AUTS2: variants seen among roughly 807,000 people sequenced by gnomAD.
AUTS2 encodes autism susceptibility gene 2 protein.
In AUTS2, 17 loss-of-function variants were observed where a neutral mutation model predicts 112.4. The observed-to-expected ratio is 0.15, with a 90% confidence interval of 0.10 to 0.23. AUTS2 has a LOEUF of 0.23. Among genes scored for constraint, AUTS2 ranks in the 10% least tolerant of loss-of-function variants. The pLI is 1.00. For missense variants in AUTS2, 1,510 were observed against 1,701.6 expected (o/e 0.89, Z 1.98); for synonymous variants, 751 against 702.7 (o/e 1.07, Z -1.09).
intron 5 of AUTS2, among the ~76,000 whole-genome samples, chr7:70,645,602 C>G (rs893637788): frequency 6.6e-6 from 1 of 152,168 alleles, no homozygotes; most frequent in Non-Finnish European, 1.5e-5. Context: ...GGCCTGCTCA[C>G]GAAGGCAAGA....
At chr7:70,343,527 C>T (rs1347860352) in intron 4 of AUTS2, among the ~76,000 whole-genome samples, 1 of 152,160 alleles carries the variant, frequency 6.6e-6, no homozygotes, top group Non-Finnish European at 1.5e-5. Context: ...GCCACTGGAA[C>T]ATAAACAGTT....
At chr7:70,188,025 C>A (rs925829565) in intron 4 of AUTS2, among the ~76,000 whole-genome samples, 1 of 152,106 alleles carries the variant, frequency 6.6e-6, no homozygotes, top group Admixed American at 6.5e-5. Flanking sequence ...ATAAACAAAT[C>A]ATATTAAAAC....
intron 5 of AUTS2, among the ~76,000 whole-genome samples, chr7:70,526,685 T>C (rs1021400936): frequency 1.3e-5 from 2 of 152,096 alleles, no homozygotes; most frequent in Admixed American, 6.6e-5. Flanking sequence ...TAAAAAATCC[T>C]GCTTCTGTTC....
intron 5 of AUTS2, among the ~76,000 whole-genome samples, chr7:70,655,887 A>G (rs1391308379): frequency 6.6e-6 from 1 of 152,130 alleles, no homozygotes; most frequent in Non-Finnish European, 1.5e-5. Context: ...CCAAGAATCT[A>G]TGGCCAGTCC....
Position 70,766,511 on chromosome 7 carries a change from G to A in AUTS2, c.1689+177G>A, listed in dbSNP as rs1485622741. Among the ~76,000 whole-genome samples, 3 of 152,236 alleles carry A rather than the reference G, an allele frequency of 2.0e-5. No individual in the cohort carries two copies. The highest frequency in any genetic ancestry group is 1.3e-4 in the Admixed American group (2 of 15,284). The stretch of plus-strand genomic sequence containing the variant: ...TGCCTCAGGCAGCTCTGACTTCAGG[G>A]GCCTAAAGTAGGAACTTCTTTCTAG... On this transcript the variant is annotated intron_variant, in intron 9 of 18. Coordinates refer to ENST00000342771, the MANE Select transcript of AUTS2 (RefSeq NM_015570.4). The surrounding 1 kb of genome is among the most constrained non-coding windows in gnomAD (Gnocchi z 4.8).
At chr7:70,478,266 C>T (rs1014518624) in intron 5 of AUTS2, among the ~76,000 whole-genome samples, 1 of 152,006 alleles carries the variant, frequency 6.6e-6, no homozygotes, top group Non-Finnish European at 1.5e-5. Context: ...CTCATAATTC[C>T]ACCACCCAGA....
intron 5 of AUTS2, among the ~76,000 whole-genome samples, chr7:70,544,519 C>A (rs1331661666): frequency 6.6e-6 from 1 of 152,174 alleles, no homozygotes; most frequent in Non-Finnish European, 1.5e-5. Context: ...CCTCAAATCT[C>A]ACTTTGCCCC....
intron 2 of AUTS2, among the ~76,000 whole-genome samples, chr7:70,029,327 T>G (rs977706485): frequency 6.6e-6 from 1 of 151,770 alleles, no homozygotes; most frequent in Non-Finnish European, 1.5e-5. Context: ...GATGTGGTAA[T>G]TTTTTCTGTT....
intron 1 of AUTS2, among the ~76,000 whole-genome samples, chr7:69,755,564 G>A (rs1035018622): frequency 6.6e-6 from 1 of 152,090 alleles, no homozygotes; most frequent in Non-Finnish European, 1.5e-5. Context: ...CATCGCTGTT[G>A]TTTTTCCTGG....
chr7:70,684,153 G>C (rs1266870168), intron 5 of AUTS2, among the ~76,000 whole-genome samples: 1 of 151,836 alleles, frequency 6.6e-6, no homozygotes, highest in Non-Finnish European at 1.5e-5. Flanking sequence ...AAAAAGCTTT[G>C]TTAGATCATT....
At chr7:69,660,733 C>A (rs1047595000) in intron 1 of AUTS2, among the ~76,000 whole-genome samples, 9 of 152,142 alleles carry the variant, frequency 5.9e-5, no homozygotes, top group Non-Finnish European at 1.3e-4. Flanking sequence ...GAGATCAAGA[C>A]CTTCCTGGCT....
At chr7:69,889,901 C>T (rs1398179374) in intron 1 of AUTS2, among the ~76,000 whole-genome samples, 2 of 152,134 alleles carry the variant, frequency 1.3e-5, no homozygotes, top group East Asian at 3.8e-4. Context: ...TTGTATGGTT[C>T]TTTTTGCCTT....
intron 5 of AUTS2, among the ~76,000 whole-genome samples, chr7:70,654,100 C>CCATA (rs1806645604): frequency 6.6e-6 from 1 of 152,068 alleles, no homozygotes; most frequent in South Asian, 2.1e-4. Flanking sequence ...GTGCCAAAGC[C>CCATA]CATAATAAGC....
At chr7:70,627,565 C>T (rs1287380315) in intron 5 of AUTS2, among the ~76,000 whole-genome samples, 1 of 152,220 alleles carries the variant, frequency 6.6e-6, no homozygotes, top group African/African-American at 2.4e-5. Context: ...GCTCATTATT[C>T]CATCTCTGCC....
At chr7:69,680,329 A>G (rs1366590906) in intron 1 of AUTS2, among the ~76,000 whole-genome samples, 1 of 152,218 alleles carries the variant, frequency 6.6e-6, no homozygotes, top group Admixed American at 6.5e-5. Flanking sequence ...GTCTGATTCA[A>G]TTACTTGCAT....
rs1011283332 is a variant in AUTS2 at position 70,631,270 on chromosome 7, C to T, written c.691-67299C>T. Among the ~76,000 whole-genome samples the T allele has an allele frequency of 2.0e-5, 3 of 152,168 alleles. No individual in the cohort carries two copies. The highest frequency in any genetic ancestry group is 7.2e-5 in the African/African-American group (3 of 41,428). ...TGTGAGTTAATACTTTACAGCAGGG[C>T]TGGGGCCCGGCTTGCTGCGGGCTGG... On this transcript the variant is annotated intron_variant, in intron 5 of 18. Transcript: ENST00000342771. The surrounding 1 kb of genome is among the most constrained non-coding windows in gnomAD (Gnocchi z 4.5).
At chr7:69,795,412 G>A (rs906072427) in intron 1 of AUTS2, among the ~76,000 whole-genome samples, 1 of 152,162 alleles carries the variant, frequency 6.6e-6, no homozygotes, top group African/African-American at 2.4e-5. Context: ...AGGCGGAGTG[G>A]CTCATACCTA....
chr7:69,751,373 A>T (rs538408338), intron 1 of AUTS2, among the ~76,000 whole-genome samples: 1 of 150,048 alleles, frequency 6.7e-6, no homozygotes, highest in African/African-American at 2.4e-5. Flanking sequence ...TGTTCAAAAT[A>T]TTTTTTTTTT....
chr7:70,659,866 T>TC (rs1806977672), intron 5 of AUTS2, among the ~76,000 whole-genome samples: 1 of 152,040 alleles, frequency 6.6e-6, no homozygotes, highest in African/African-American at 2.4e-5. Context: ...GCACATGCAG[T>TC]CCCGGGCTGT....
Sources: allele counts gnomAD v4.1 joint callset (sites outside exome capture counted in the v4.1 genomes callset), GRCh38; gene constraint gnomAD v4.1.1; non-coding constraint Gnocchi (gnomAD v3.1); transcripts MANE v1.5; gene names NCBI Gene and HGNC (gene_info 2026-07-23, HGNC 2026-07-21).